The following KCNIP2 variants were observed in gnomAD, a reference collection of about 807,000 sequenced individuals.
KCNIP2 encodes potassium voltage-gated channel interacting protein 2, also known as A-type potassium channel modulatory protein KCNIP2.
KCNIP2 carries 19 observed loss-of-function variants against 39.0 expected under a neutral mutation model. The observed-to-expected ratio is 0.49, with a 90% CI of 0.34 to 0.71. The LOEUF (loss-of-function observed/expected upper bound fraction) is 0.71. Ranked by LOEUF, KCNIP2 falls within the 30% of genes least tolerant of loss-of-function variation. The pLI, the probability that KCNIP2 is intolerant of heterozygous loss-of-function variation, is 0.01. For missense variants in KCNIP2, 261 were observed against 346.0 expected, an observed-to-expected ratio of 0.75 and a Z score of 1.95; for synonymous variants, 111 against 131.2, an observed-to-expected ratio of 0.85 and a Z score of 1.05.
intron 1 of KCNIP2, among the ~76,000 whole-genome samples, chr10:101,833,567 A>G (rs1338707713): frequency 1.3e-5 from 2 of 152,106 alleles, no homozygotes; most frequent in Non-Finnish European, 2.9e-5. Context: ...GAAATTCTGG[A>G]AACAGCCACA....
intron 1 of KCNIP2, among the ~76,000 whole-genome samples, chr10:101,836,166 G>C (rs1417732792): frequency 6.6e-6 from 1 of 152,170 alleles, no homozygotes; most frequent in Non-Finnish European, 1.5e-5. Context: ...GCCACCACCG[G>C]GGGGCACGCG....
intron 1 of KCNIP2, among the ~76,000 whole-genome samples, chr10:101,842,691 G>C (rs920079604): frequency 1.3e-5 from 2 of 152,142 alleles, no homozygotes; most frequent in African/African-American, 4.8e-5. Context: ...GTCCACCTGG[G>C]CTATTTGTGG....
intron 1 of KCNIP2, chr10:101,839,891 G>GAGACCGGACCGC: frequency 6.6e-7 from 1 of 1,526,494 alleles, no homozygotes; most frequent in South Asian, 1.3e-5. Context: ...CCCCGGGGCG[G>GAGACCGGACCGC]TCCGGTCTCC....
chr10:101,832,332 G>C (rs534422537), intron 1 of KCNIP2, among the ~76,000 whole-genome samples: 1 of 150,486 alleles, frequency 6.6e-6, no homozygotes, highest in Admixed American at 6.6e-5. Flanking sequence ...GTGTGTGTGT[G>C]TGTGTGTGTC....
At chr10:101,831,302 G>A in intron 1 of KCNIP2, 135 bp from the exon 2 acceptor site, 1 of 693,048 alleles carries the variant, frequency 1.4e-6, no homozygotes. Context: ...GGAAAGGAAT[G>A]GCAAGGGTGG....
At position 101,828,667 on chromosome 10, in the gene KCNIP2, C is replaced by G; in HGVS notation, c.378G>C (p.Glu126Asp). Residue 126 changes from glutamate to aspartate, a missense_variant, in exon 5 of 10, where the codon GAG becomes GAC. Glu to Asp is a conservative substitution (Grantham distance 45). Transcript: ENST00000356640. The surrounding 1 kb of genome is among the most constrained non-coding windows in gnomAD (Gnocchi z 6.6). ...ACTGGGAGTAAATCTGCTTGAAGTT[C>G]TCCTCATTGACAATTCCGCTGGGAC... is the stretch of plus-strand genomic sequence containing the variant. ...NECPSGIVNE[E>D]NFKQIYSQFF... 1 of 1,614,170 alleles carries G rather than the reference C, an allele frequency of 6.2e-7. No homozygotes were observed.
In KCNIP2 at chr10:101,831,182, G is replaced by A. The variant is rs1270069433; in HGVS notation, c.74-15C>T. 4.4e-6 allele frequency: 7 copies of A among 1,576,564 alleles called. No homozygotes were observed. The highest frequency in any genetic ancestry group is 6.0e-6 in the Non-Finnish European group (7 of 1,158,248). On this transcript the variant is annotated splice_polypyrimidine_tract_variant and intron_variant, in intron 1 of 9. Transcript: ENST00000356640. The stretch of plus-strand genomic sequence containing the variant: ...TGGAGGGTGGCCTGGGAAGAGAGAA[G>A]ACCCCAGGAAGGCACATTAACTCCC...
chr10:101,835,631 C>T (rs2066130463), intron 1 of KCNIP2, among the ~76,000 whole-genome samples: 1 of 151,912 alleles, frequency 6.6e-6, no homozygotes, highest in Non-Finnish European at 1.5e-5. Context: ...CCCGGAGTCC[C>T]TCCCTCCTCT....
intron 1 of KCNIP2, among the ~76,000 whole-genome samples, chr10:101,841,243 G>A (rs1369498414): frequency 6.6e-6 from 1 of 152,334 alleles, no homozygotes; most frequent in African/African-American, 2.4e-5. Flanking sequence ...TGATGGGCCG[G>A]GAAGACGGGA....
chr10:101,829,006 G>A (rs2065858992), intron 4 of KCNIP2, 69 bp downstream of exon 4: 1 of 1,578,394 alleles, frequency 6.3e-7, no homozygotes, highest in Non-Finnish European at 8.6e-7. Context: ...CATGCTTTCT[G>A]GGAAGCTGTG....
intron 2 of KCNIP2, 153 bp downstream of exon 2, chr10:101,830,919 C>G: frequency 1.4e-6 from 1 of 735,012 alleles, no homozygotes; most frequent in Admixed American, 2.2e-5. Context: ...AGGCCCCACC[C>G]CCACACACGC....
chr10:101,829,950 C>T, intron 2 of KCNIP2, 53 bp from the exon 3 acceptor site: 2 of 1,538,670 alleles, frequency 1.3e-6, no homozygotes, highest in South Asian at 1.2e-5. Flanking sequence ...CAACTGCAGA[C>T]ACACACCTGG....
At chr10:101,829,408 G>T in intron 3 of KCNIP2, 1 of 609,606 alleles carries the variant, frequency 1.6e-6, no homozygotes, top group Non-Finnish European at 2.7e-6. Flanking sequence ...CCAAGGCCTG[G>T]CCTGGCCCCA....
chr10:101,843,707 T>C lies in KCNIP2; in HGVS notation c.-139A>G. 1 of 462,986 alleles carries C rather than the reference T, an allele frequency of 2.2e-6. No homozygotes were observed. 28.7% of individuals were successfully genotyped at this position (462,986 alleles called of 1,614,324 possible). ...TCCGGGCTGAGGCTGAGTCTGGGAA[T>C]GGGCCCGGGGTCTGAGGTCTACCCG... is the stretch of plus-strand genomic sequence containing the variant. On this transcript the variant is annotated 5_prime_UTR_variant, in exon 1 of 10. Transcript: ENST00000356640. The surrounding 1 kb of genome is among the most constrained non-coding windows in gnomAD (Gnocchi z 6.7).
intron 2 of KCNIP2, among the ~76,000 whole-genome samples, chr10:101,830,709 A>G (rs1445771362): frequency 1.4e-5 from 2 of 144,396 alleles, no homozygotes; most frequent in Non-Finnish European, 1.5e-5. Flanking sequence ...ACACACACAC[A>G]CGCACGCAGG....
chr10:101,831,763 T>A (rs553990082), intron 1 of KCNIP2, among the ~76,000 whole-genome samples: 5 of 152,176 alleles, frequency 3.3e-5, no homozygotes, highest in African/African-American at 1.2e-4. Context: ...ACACACAGCA[T>A]GATCAAACCA....
chr10:101,830,777 C>CACACACAT (rs1429633483), intron 2 of KCNIP2, among the ~76,000 whole-genome samples: 1 of 149,196 alleles, frequency 6.7e-6, no homozygotes, highest in Non-Finnish European at 1.5e-5. Context: ...CATACACACA[C>CACACACAT]ACACGCGCGC....
intron 2 of KCNIP2, among the ~76,000 whole-genome samples, chr10:101,830,593 C>T (rs1028231200): frequency 6.6e-6 from 1 of 151,708 alleles, no homozygotes; most frequent in Non-Finnish European, 1.5e-5. Flanking sequence ...CGCCCACACA[C>T]GCTGGCTTCA....
At chr10:101,830,474 C>T (rs2065933581) in intron 2 of KCNIP2, 1 of 1,277,860 alleles carries the variant, frequency 7.8e-7, no homozygotes, top group African/African-American at 1.5e-5. Context: ...ACACAGGCCG[C>T]CACAGCTACA....
Sources: allele counts gnomAD v4.1 joint callset (sites outside exome capture counted in the v4.1 genomes callset), GRCh38; gene constraint gnomAD v4.1.1; non-coding constraint Gnocchi (gnomAD v3.1); transcripts MANE v1.5; gene names NCBI Gene and HGNC (gene_info 2026-07-23, HGNC 2026-07-21).